SNX13: variants seen among roughly 807,000 people sequenced by gnomAD.
SNX13 encodes sorting nexin-13.
Under a neutral mutation model 133.6 loss-of-function variants are expected in SNX13, and 45 were observed. The observed-to-expected ratio is 0.34, with a 90% CI of 0.27 to 0.43. The LOEUF is 0.43. Among genes scored for constraint, SNX13 ranks in the 20% least tolerant of loss-of-function variants. The probability of loss-of-function intolerance (pLI) is 1.00; values close to 1 mark genes in which losing one functional copy is unlikely to be tolerated. For missense variants in SNX13, 1,032 were observed against 1,145.1 expected (o/e 0.90, Z 1.43); for synonymous variants, 414 against 373.9 (o/e 1.11, Z -1.24).
At position 17,873,549 on chromosome 7, in the gene SNX13, C is replaced by T. The variant is rs752499568; in HGVS notation, c.732G>A (p.Lys244=). The T allele has an allele frequency of 6.3e-6, 10 of 1,586,090 alleles. No individual in the cohort carries two copies. The highest frequency in any genetic ancestry group is 8.6e-6 in the Non-Finnish European group (10 of 1,166,628). Residue 244 remains lysine, a synonymous_variant, in exon 8 of 26, where the codon AAG becomes AAA. Coordinates refer to ENST00000428135, the MANE Select transcript of SNX13 (RefSeq NM_015132.5). The part of the protein sequence containing the change: ...LLLPPGDFQN[K]IMRYFVREIL... ...TTACCCTGACAAAGTATCGCATGATCTTGTTCTGGAAATCTCCAGGAGGTA... is the reference window on the plus strand; with the variant it reads ...TTACCCTGACAAAGTATCGCATGATTTTGTTCTGGAAATCTCCAGGAGGTA...
At chr7:17,799,462 T>A (rs1261619647) in intron 22 of SNX13, among the ~76,000 whole-genome samples, 1 of 151,808 alleles carries the variant, frequency 6.6e-6, no homozygotes, top group Non-Finnish European at 1.5e-5. Flanking sequence ...TGGAAGAGAC[T>A]GTATGAGTTT....
chr7:17,871,511 G>C, intron 8 of SNX13, among the ~76,000 whole-genome samples: 1 of 152,044 alleles, frequency 6.6e-6, no homozygotes, highest in African/African-American at 2.4e-5. Flanking sequence ...TGCAGTTTTA[G>C]CAAGAATTCT....
intron 16 of SNX13, among the ~76,000 whole-genome samples, chr7:17,826,406 C>A (rs1469843461): frequency 1.3e-5 from 2 of 151,824 alleles, no homozygotes; most frequent in African/African-American, 4.8e-5. Flanking sequence ...GCAAGAAAAT[C>A]TAGATAAAAA....
At chr7:17,823,675 A>G (rs1787556610) in intron 17 of SNX13, among the ~76,000 whole-genome samples, 1 of 152,186 alleles carries the variant, frequency 6.6e-6, no homozygotes, top group Non-Finnish European at 1.5e-5. Context: ...CACCTTGTCC[A>G]GTTATCTTTC....
At chr7:17,870,636 A>G (rs1793977496) in intron 8 of SNX13, among the ~76,000 whole-genome samples, 1 of 152,228 alleles carries the variant, frequency 6.6e-6, no homozygotes, top group Non-Finnish European at 1.5e-5. Context: ...CACATGCACC[A>G]CAGCCATCAA....
intron 15 of SNX13, chr7:17,832,264 T>C (rs1385390142): frequency 1.0e-6 from 1 of 984,608 alleles, no homozygotes; most frequent in Non-Finnish European, 1.2e-6. Flanking sequence ...TTGCTTCCAA[T>C]AGCTGTACTG....
At chr7:17,851,229 G>A (rs1791169946) in intron 9 of SNX13, among the ~76,000 whole-genome samples, 1 of 152,180 alleles carries the variant, frequency 6.6e-6, no homozygotes, top group Non-Finnish European at 1.5e-5. Context: ...CATGATGACT[G>A]GAACTAAACC....
intron 18 of SNX13, among the ~76,000 whole-genome samples, chr7:17,819,835 A>G (rs1044571305): frequency 1.3e-5 from 2 of 152,130 alleles, no homozygotes; most frequent in African/African-American, 4.8e-5. Context: ...TGAACAATCT[A>G]AACACTTAGG....
chr7:17,869,493 A>C (rs1166018703), intron 8 of SNX13, among the ~76,000 whole-genome samples: 2 of 152,152 alleles, frequency 1.3e-5, no homozygotes, highest in African/African-American at 4.8e-5. Context: ...TTTCTTAAGA[A>C]TATTGGGGGA....
At chr7:17,927,015 C>T (rs1203182493) in intron 1 of SNX13, among the ~76,000 whole-genome samples, 2 of 151,786 alleles carry the variant, frequency 1.3e-5, no homozygotes, top group African/African-American at 4.8e-5. Flanking sequence ...CAAAGAAATC[C>T]AAAATTTTAA....
At chr7:17,824,810 G>A (rs750117055) in intron 17 of SNX13, among the ~76,000 whole-genome samples, 19 of 149,908 alleles carry the variant, frequency 1.3e-4, no homozygotes, top group South Asian at 2.1e-4. Flanking sequence ...TCGCTCTGTC[G>A]CCAGGCTAAA....
At chr7:17,897,119 C>T (rs1028149047) in intron 2 of SNX13, among the ~76,000 whole-genome samples, 13 of 151,954 alleles carry the variant, frequency 8.6e-5, no homozygotes, top group African/African-American at 3.1e-4. Flanking sequence ...TGGAAATGGA[C>T]ATCTTATTAT....
intron 1 of SNX13, among the ~76,000 whole-genome samples, chr7:17,935,104 G>A (rs936256877): frequency 6.6e-6 from 1 of 152,094 alleles, no homozygotes; most frequent in African/African-American, 2.4e-5. Flanking sequence ...CAAAATCCAA[G>A]ACAAAGAATC....
At chr7:17,909,589 T>C (rs947950363) in intron 1 of SNX13, among the ~76,000 whole-genome samples, 4 of 152,264 alleles carry the variant, frequency 2.6e-5, no homozygotes, top group Non-Finnish European at 5.9e-5. Context: ...GAAGCCATTA[T>C]TCTCAGCAAA....
At chr7:17,939,067 T>C (rs1327009736) in intron 1 of SNX13, among the ~76,000 whole-genome samples, 1 of 152,240 alleles carries the variant, frequency 6.6e-6, no homozygotes, top group African/African-American at 2.4e-5. Flanking sequence ...GTATTTATCA[T>C]ATGCCAGGCT....
intron 19 of SNX13, 77 bp downstream of exon 19, chr7:17,816,105 A>G (rs1786627538): frequency 2.1e-6 from 3 of 1,408,742 alleles, no homozygotes; most frequent in African/African-American, 2.9e-5. Flanking sequence ...TCTGTGTGCT[A>G]TATTAAATGA....
chr7:17,848,593 C>A (rs73308167), intron 11 of SNX13, among the ~76,000 whole-genome samples: 3,310 of 152,302 alleles, frequency 0.022, 129 homozygotes, highest in African/African-American at 0.074. Flanking sequence ...AGGGCCTGAA[C>A]AGAGTTTGCT....
chr7:17,810,487 G>GA (rs879396888), intron 20 of SNX13, among the ~76,000 whole-genome samples: 11 of 150,668 alleles, frequency 7.3e-5, no homozygotes, highest in South Asian at 2.1e-4. Flanking sequence ...GCCTACCAAA[G>GA]AAAAAAAAAG....
intron 11 of SNX13, among the ~76,000 whole-genome samples, chr7:17,847,557 C>T (rs2691615): frequency 6.6e-6 from 1 of 151,932 alleles, no homozygotes; most frequent in Non-Finnish European, 1.5e-5. Flanking sequence ...AGACCAGAGA[C>T]TCACAAATAA....
Sources: gnomAD v4.1 joint callset for allele counts (sites outside exome capture counted in the v4.1 genomes callset) on GRCh38, gnomAD v4.1.1 for gene constraint, MANE v1.5 for transcripts, NCBI Gene and HGNC (gene_info 2026-07-23, HGNC 2026-07-21) for gene names.